Variants in LOC128462377 observed in about 807,000 individuals in gnomAD.
At chr16:89,392,833 T>G in the LOC128462377 span, among the ~76,000 whole-genome samples, 2 of 150,834 alleles carry the variant, frequency 1.3e-5, no homozygotes, top group Non-Finnish European at 2.9e-5. Context: ...AAAAGAAAAC[T>G]GGGAATACAT....
the LOC128462377 span, among the ~76,000 whole-genome samples, chr16:89,364,910 T>C: frequency 6.6e-6 from 1 of 152,220 alleles, no homozygotes; most frequent in African/African-American, 2.4e-5. Flanking sequence ...CATCGAATGC[T>C]GAATACCTGT....
chr16:89,357,266 G>T, the LOC128462377 span, among the ~76,000 whole-genome samples: 7 of 152,144 alleles, frequency 4.6e-5, no homozygotes, highest in African/African-American at 1.4e-4. Flanking sequence ...CAAATCTGCT[G>T]ATAAAAGTCA....
the LOC128462377 span, among the ~76,000 whole-genome samples, chr16:89,329,678 T>C: frequency 1.3e-5 from 2 of 152,318 alleles, no homozygotes; most frequent in East Asian, 3.9e-4. Context: ...AAACCTTGTT[T>C]TGTGTATTTG....
the LOC128462377 span, among the ~76,000 whole-genome samples, chr16:89,355,182 G>A: frequency 2.0e-5 from 3 of 152,128 alleles, no homozygotes; most frequent in Non-Finnish European, 4.4e-5. Flanking sequence ...CATCCCAGGC[G>A]AACCTATGCT....
chr16:89,415,261 CTTTTTTTTTTTT>C, the LOC128462377 span, among the ~76,000 whole-genome samples: 3 of 84,532 alleles, frequency 3.5e-5, no homozygotes, highest in South Asian at 8.3e-4. Context: ...GCCAGCTATT[CTTTTTTTTTTTT>C]TTTTTTTTTG....
the LOC128462377 span, among the ~76,000 whole-genome samples, chr16:89,335,380 C>T: frequency 1.3e-5 from 2 of 152,214 alleles, no homozygotes; most frequent in Admixed American, 1.3e-4. Flanking sequence ...TCCCACAGGT[C>T]CCAGAAGCAT....
chr16:89,414,651 A>T, the LOC128462377 span, among the ~76,000 whole-genome samples: 1 of 152,200 alleles, frequency 6.6e-6, no homozygotes, highest in African/African-American at 2.4e-5. Flanking sequence ...GGAGAGTGGA[A>T]GGGAGGGGCC....
chr16:89,342,241 G>A, the LOC128462377 span, among the ~76,000 whole-genome samples: 1 of 152,258 alleles, frequency 6.6e-6, no homozygotes, highest in Non-Finnish European at 1.5e-5. Flanking sequence ...AACTGCCTGG[G>A]CAAAGGTTCC....
chr16:89,326,855 C>G, the LOC128462377 span, among the ~76,000 whole-genome samples: 1 of 152,186 alleles, frequency 6.6e-6, no homozygotes, highest in Non-Finnish European at 1.5e-5. Context: ...AAAGCCTGCC[C>G]GCCAGGGGCT....
chr16:89,388,209 C>T, the LOC128462377 span, among the ~76,000 whole-genome samples: 6 of 151,964 alleles, frequency 3.9e-5, no homozygotes, highest in African/African-American at 1.5e-4. Context: ...TATTCACCAC[C>T]ACAAAGACCT....
the LOC128462377 span, among the ~76,000 whole-genome samples, chr16:89,361,248 G>A: frequency 2.6e-5 from 4 of 152,196 alleles, no homozygotes; most frequent in African/African-American, 9.6e-5. Context: ...CTCCCGCAGA[G>A]GGCCTGCCCC....
the LOC128462377 span, among the ~76,000 whole-genome samples, chr16:89,346,080 A>G: frequency 6.6e-6 from 1 of 151,634 alleles, no homozygotes; most frequent in Non-Finnish European, 1.5e-5. Context: ...TGTCTCCACT[A>G]ACAACACAAA....
chr16:89,358,255 C>T, the LOC128462377 span, among the ~76,000 whole-genome samples: 2 of 152,202 alleles, frequency 1.3e-5, no homozygotes, highest in African/African-American at 2.4e-5. Context: ...GGAGCTGTGC[C>T]GGCTTGCAGA....
chr16:89,344,691 C>T, the LOC128462377 span, among the ~76,000 whole-genome samples: 8 of 152,142 alleles, frequency 5.3e-5, no homozygotes, highest in Admixed American at 2.0e-4. Flanking sequence ...GCTGCCGACA[C>T]CTTCAGACTG....
the LOC128462377 span, among the ~76,000 whole-genome samples, chr16:89,331,929 C>G: frequency 3.3e-5 from 5 of 152,268 alleles, 1 homozygote; most frequent in East Asian, 9.6e-4. Context: ...ATGCTGGGAA[C>G]CGTCATCACC....
At chr16:89,401,985 C>T in the LOC128462377 span, among the ~76,000 whole-genome samples, 1 of 149,924 alleles carries the variant, frequency 6.7e-6, no homozygotes, top group African/African-American at 2.5e-5. Flanking sequence ...GCCCTGCAGA[C>T]AGCTTGGTCT....
chr16:89,324,575 G>T, the LOC128462377 span: 18 of 453,886 alleles, frequency 4.0e-5, no homozygotes, highest in African/African-American at 3.2e-4. Context: ...CCTCCATCTG[G>T]GGGGGCATGA....
chr16:89,411,953 C>T, the LOC128462377 span, among the ~76,000 whole-genome samples: 1 of 142,338 alleles, frequency 7.0e-6, no homozygotes, highest in Non-Finnish European at 1.5e-5. Flanking sequence ...CTGGCCGTGC[C>T]CCATCCCTCC....
the LOC128462377 span, among the ~76,000 whole-genome samples, chr16:89,317,831 GC>G: frequency 6.6e-6 from 1 of 152,130 alleles, no homozygotes; most frequent in South Asian, 2.1e-4. Context: ...GGGAGAGACT[GC>G]CCCTCTCTCA....
Sources: gnomAD v4.1 joint callset for allele counts (sites outside exome capture counted in the v4.1 genomes callset) on GRCh38, gnomAD v4.1.1 for gene constraint, MANE v1.5 for transcripts.